VPS54: variants seen among roughly 807,000 people sequenced by gnomAD.
VPS54 encodes the protein vacuolar protein sorting-associated protein 54.
A neutral mutation model predicts 121.5 loss-of-function variants in VPS54; 45 were observed. The observed-to-expected ratio is 0.37, with a 90% confidence interval of 0.29 to 0.47. The LOEUF (loss-of-function observed/expected upper bound fraction) is 0.47, where lower values mean the gene tolerates loss of function less well. Among genes scored for constraint, VPS54 ranks in the 20% least tolerant of loss-of-function variants. The pLI, the probability that VPS54 is intolerant of heterozygous loss-of-function variation, is 0.99. For missense variants in VPS54, 1,090 were observed against 1,131.4 expected (o/e 0.96, Z 0.52); for synonymous variants, 371 against 385.8 (o/e 0.96, Z 0.45).
At chr2:63,909,717 C>T (rs1201279568) in intron 20 of VPS54, among the ~76,000 whole-genome samples, 3 of 119,158 alleles carry the variant, frequency 2.5e-5, no homozygotes, top group African/African-American at 5.3e-5. Context: ...CTCGCCTGGC[C>T]GTTTTTGGTT....
intron 1 of VPS54, among the ~76,000 whole-genome samples, chr2:64,002,330 C>T (rs1677921220): frequency 6.6e-6 from 1 of 152,118 alleles, no homozygotes; most frequent in Non-Finnish European, 1.5e-5. Flanking sequence ...ATTTTTGTTT[C>T]TTATGAAAGT....
At chr2:63,996,983 CG>C (rs1157922124) in intron 1 of VPS54, among the ~76,000 whole-genome samples, 19 of 152,076 alleles carry the variant, frequency 1.2e-4, no homozygotes, top group Admixed American at 1.2e-3. Flanking sequence ...TTTTATGGCT[CG>C]GGGGCATCAC....
chr2:63,946,692 C>T (rs1410669545), intron 9 of VPS54, among the ~76,000 whole-genome samples: 1 of 151,712 alleles, frequency 6.6e-6, no homozygotes, highest in Admixed American at 6.6e-5. Context: ...ATTTATCTGA[C>T]TAAAAAAAGT....
intron 1 of VPS54, among the ~76,000 whole-genome samples, chr2:64,016,006 C>A (rs145135826): frequency 5.8e-4 from 89 of 152,310 alleles, no homozygotes; most frequent in Non-Finnish European, 7.8e-4. Flanking sequence ...AGTCCCATTT[C>A]TTGCTTTACA....
At chr2:63,957,441 C>CAAAAAAAAAA (rs10551633) in intron 7 of VPS54, among the ~76,000 whole-genome samples, 3 of 90,132 alleles carry the variant, frequency 3.3e-5, no homozygotes, top group Middle Eastern at 6.2e-3. Flanking sequence ...GACTCCATCT[C>CAAAAAAAAAA]AAAAAAAAAA....
chr2:63,961,887 T>C (rs1473465655), intron 7 of VPS54, among the ~76,000 whole-genome samples, 171 bp downstream of exon 7: 2 of 152,200 alleles, frequency 1.3e-5, no homozygotes, highest in African/African-American at 2.4e-5. Context: ...CTTATGGTTT[T>C]TGTTTTGCTA....
chr2:63,919,855 AAG>A (rs1375391500), intron 15 of VPS54, 26 bp downstream of exon 15: 1 of 1,510,834 alleles, frequency 6.6e-7, no homozygotes. Flanking sequence ...ATAAAATTGA[AAG>A]AGAATGTGTG....
At chr2:63,921,109 T>C (rs1673622522) in intron 13 of VPS54, 97 bp downstream of exon 13, 5 of 1,284,182 alleles carry the variant, frequency 3.9e-6, no homozygotes, top group East Asian at 2.5e-5. Flanking sequence ...GTTAAAAATA[T>C]AATATGCATT....
At chr2:63,974,101 T>A (rs1204117347) in intron 3 of VPS54, among the ~76,000 whole-genome samples, 2 of 152,238 alleles carry the variant, frequency 1.3e-5, no homozygotes, top group South Asian at 4.1e-4. Flanking sequence ...TTAAGGTCTA[T>A]CATCAACTTT....
Position 63,920,443 on chromosome 2 carries a change from T to C in VPS54, c.2051+3A>G. Reference sequence around the variant, plus strand: ...AACAACAGAATGGACATGGTGATGATACCTGAGCTTGGTTTTTCTCTCTTC... The same window carrying C: ...AACAACAGAATGGACATGGTGATGACACCTGAGCTTGGTTTTTCTCTCTTC... On this transcript the variant is annotated splice_donor_region_variant and intron_variant, in intron 14 of 22. Coordinates refer to ENST00000272322, the MANE Select transcript of VPS54 (RefSeq NM_016516.3). 2 of 1,521,770 alleles carry C rather than the reference T, an allele frequency of 1.3e-6. No individual in the cohort carries two copies. The highest frequency in any genetic ancestry group is 1.8e-6 in the Non-Finnish European group (2 of 1,136,954). The allele number at this position is 1,521,770 out of a possible 1,614,324, so 94.3% of individuals were successfully genotyped here.
chr2:63,971,397 T>C (rs952073258), intron 4 of VPS54, among the ~76,000 whole-genome samples: 1 of 152,180 alleles, frequency 6.6e-6, no homozygotes, highest in Non-Finnish European at 1.5e-5. Flanking sequence ...TCAGAAAAGG[T>C]AAAATTCCTT....
At chr2:63,990,822 C>G (rs1470059129) in intron 1 of VPS54, among the ~76,000 whole-genome samples, 5 of 152,188 alleles carry the variant, frequency 3.3e-5, no homozygotes, top group African/African-American at 1.2e-4. Flanking sequence ...CGTTATGTAC[C>G]TCTTAATCTT....
intron 12 of VPS54, among the ~76,000 whole-genome samples, chr2:63,922,947 G>A (rs77139328): frequency 1.7e-4 from 25 of 148,978 alleles, no homozygotes; most frequent in African/African-American, 5.7e-4. Flanking sequence ...AAAAAAAAAA[G>A]AGTGAATTAA....
At chr2:63,901,504 A>G (rs1672677948) in intron 20 of VPS54, among the ~76,000 whole-genome samples, 2 of 152,232 alleles carry the variant, frequency 1.3e-5, no homozygotes, top group African/African-American at 4.8e-5. Context: ...GGAGGTACTC[A>G]GAAGAAACAG....
At chr2:64,010,626 G>C (rs1238472008) in intron 1 of VPS54, among the ~76,000 whole-genome samples, 1 of 152,012 alleles carries the variant, frequency 6.6e-6, no homozygotes, top group Non-Finnish European at 1.5e-5. Context: ...GCAAATGTAA[G>C]TTTTTCATAC....
intron 1 of VPS54, among the ~76,000 whole-genome samples, chr2:63,996,230 C>G (rs935623566): frequency 6.6e-6 from 1 of 152,148 alleles, no homozygotes; most frequent in African/African-American, 2.4e-5. Flanking sequence ...GTTAGTGCTC[C>G]AAATTAATAC....
At chr2:63,914,772 G>GAA (rs770791968) in intron 16 of VPS54, among the ~76,000 whole-genome samples, 2 of 144,546 alleles carry the variant, frequency 1.4e-5, no homozygotes, top group Non-Finnish European at 3.1e-5. Context: ...TAGTGAGATG[G>GAA]AAAAAAAAAA....
chr2:63,898,035 T>C (rs539589508), intron 21 of VPS54, among the ~76,000 whole-genome samples: 1 of 152,316 alleles, frequency 6.6e-6, no homozygotes, highest in African/African-American at 2.4e-5. Flanking sequence ...CCTAAAATTA[T>C]ATACAATGAA....
chr2:63,947,329 TA>T lies in VPS54; in HGVS notation c.1245+53del. 4 of 1,415,246 alleles carry T rather than the reference TA, an allele frequency of 2.8e-6. No individual in the cohort carries two copies. The Middle Eastern group carries it at 8.0e-4, about 283-fold the overall frequency. The allele number at this position is 1,415,246 out of a possible 1,614,324, so 87.7% of individuals were successfully genotyped here. On this transcript the variant is annotated intron_variant, in intron 9 of 22. Transcript: ENST00000272322. ...TATTATTACTAGGATAACATAAAAATAAACTTCACAAAGGTTCCAGACCAAA... is the reference window on the plus strand; with the variant it reads ...TATTATTACTAGGATAACATAAAAATAACTTCACAAAGGTTCCAGACCAAA...
Sources: gnomAD v4.1 joint callset for allele counts (sites outside exome capture counted in the v4.1 genomes callset) on GRCh38, gnomAD v4.1.1 for gene constraint, MANE v1.5 for transcripts, NCBI Gene and HGNC (gene_info 2026-07-23, HGNC 2026-07-21) for gene names.